The following EXOC6B variants were observed in gnomAD, a reference collection of about 807,000 sequenced individuals.
EXOC6B encodes the protein exocyst complex component 6B.
EXOC6B carries 54 observed loss-of-function variants against 113.5 expected under a neutral mutation model. That is an observed-to-expected ratio of 0.48 (90% CI 0.38 to 0.60). EXOC6B has a LOEUF of 0.60. Ranked by LOEUF, EXOC6B falls within the 20% of genes least tolerant of loss-of-function variation. The pLI, the probability that EXOC6B is intolerant of heterozygous loss-of-function variation, is 0.00. For missense variants in EXOC6B, 797 were observed against 977.5 expected (o/e 0.82, Z 2.46); for synonymous variants, 357 against 339.0 (o/e 1.05, Z -0.58).
rs1697976775 is a variant in EXOC6B at position 72,465,306 on chromosome 2, T to C, written c.1834A>G (p.Thr612Ala). The C allele has an allele frequency of 6.2e-7, 1 of 1,604,142 alleles. No homozygotes were observed. Among genetic ancestry groups the C allele is most frequent in the East Asian group, 2.2e-5 (1 of 44,636 alleles). Residue 612 changes from threonine to alanine, a missense_variant, in exon 18 of 22, where the codon ACC becomes GCC. Coordinates refer to ENST00000272427, the MANE Select transcript of EXOC6B (RefSeq NM_015189.3). Reference protein sequence around the residue: ...ARHAAEEEIYTNLNQKIDQFL... With the variant: ...ARHAAEEEIYANLNQKIDQFL... ...TGGTCAATCTTCTGGTTTAAGTTGG[T>C]ATAAATCTCTTCTTCAGCTGCATGT... is the stretch of plus-strand genomic sequence containing the variant.
At chr2:72,598,402 T>C (rs1270921004) in intron 6 of EXOC6B, among the ~76,000 whole-genome samples, 3 of 152,034 alleles carry the variant, frequency 2.0e-5, no homozygotes, top group Non-Finnish European at 2.9e-5. Context: ...ATTTGTGGTA[T>C]AGAGCAGAAA....
rs1389345486 is a variant in EXOC6B at position 72,584,217 on chromosome 2, G to T, written c.670-8549C>A. 2.6e-5 allele frequency among the ~76,000 whole-genome samples: 4 copies of T among 150,974 alleles called. No individual in the cohort carries two copies. In the East Asian group the frequency reaches 7.8e-4, roughly 29 times the overall value. On this transcript the variant is annotated intron_variant, in intron 6 of 21. Transcript: ENST00000272427. ...TAAAAGGCACTGATATGCAAGTAGG[G>T]TTAAAAAAAAAAAAGAAAACAAGAC...
intron 6 of EXOC6B, among the ~76,000 whole-genome samples, chr2:72,657,647 C>T (rs1386582130): frequency 8.8e-6 from 1 of 113,560 alleles, no homozygotes; most frequent in African/African-American, 3.4e-5. Flanking sequence ...ACAACTGAAA[C>T]TCAAATAGCC....
At chr2:72,499,999 A>AAAAACATG in intron 11 of EXOC6B, 27 bp from the exon 12 acceptor site, 1 of 1,406,608 alleles carries the variant, frequency 7.1e-7, no homozygotes, top group African/African-American at 1.4e-5. Flanking sequence ...ACAAAGGAGG[A>AAAAACATG]AAAACATGTT....
intron 20 of EXOC6B, among the ~76,000 whole-genome samples, chr2:72,224,994 G>GTGTGTATATATATATATA (rs908047817): frequency 6.6e-5 from 9 of 137,250 alleles, no homozygotes; most frequent in Non-Finnish European, 1.1e-4. Context: ...GTGTGTGTGT[G>GTGTGTATATATATATATA]TATATATATA....
chr2:72,769,044 G>GA (rs142775402), intron 1 of EXOC6B, among the ~76,000 whole-genome samples: 3,861 of 152,228 alleles, frequency 0.025, 83 homozygotes, highest in Non-Finnish European at 0.038. Flanking sequence ...TTTGGCTACA[G>GA]AAAAATGTGA....
intron 16 of EXOC6B, among the ~76,000 whole-genome samples, chr2:72,490,902 T>C (rs1336809244): frequency 6.6e-6 from 1 of 152,180 alleles, no homozygotes; most frequent in Non-Finnish European, 1.5e-5. Flanking sequence ...GACCATGTTC[T>C]TGCTATGCTA....
At position 72,352,731 on chromosome 2, in the gene EXOC6B, A is replaced by ATTT. The variant is rs201972771; in HGVS notation, c.2123-17714_2123-17712dup. 1.6e-3 allele frequency among the ~76,000 whole-genome samples: 226 copies of ATTT among 144,920 alleles called. 3 individuals carry two copies. Among genetic ancestry groups the ATTT allele is most frequent in the African/African-American group, 5.1e-3 (202 of 39,450 alleles). ...AAAGATAAAAGTTAGGACTGTAATC[A>ATTT]TTTTTTTTTTTTTGAGATGTGTAAG... On this transcript the variant is annotated intron_variant, in intron 19 of 21. Transcript: ENST00000272427.
chr2:72,474,250 T>C (rs1698594073), intron 17 of EXOC6B, among the ~76,000 whole-genome samples: 1 of 152,170 alleles, frequency 6.6e-6, no homozygotes, highest in Admixed American at 6.5e-5. Context: ...GAGAATACTC[T>C]TTTTGCATTG....
intron 19 of EXOC6B, among the ~76,000 whole-genome samples, chr2:72,339,713 C>A (rs1211650844): frequency 1.1e-4 from 16 of 152,056 alleles, no homozygotes; most frequent in Admixed American, 9.2e-4. Context: ...TGTGCAAAAT[C>A]TTTCAATGAG....
At chr2:72,273,068 ATGGC>A in intron 20 of EXOC6B, among the ~76,000 whole-genome samples, 1 of 152,240 alleles carries the variant, frequency 6.6e-6, no homozygotes, top group Non-Finnish European at 1.5e-5. Flanking sequence ...ATAAACTATA[ATGGC>A]AATAATCACT....
intron 18 of EXOC6B, among the ~76,000 whole-genome samples, chr2:72,438,424 C>T (rs1270878788): frequency 6.6e-6 from 1 of 151,966 alleles, no homozygotes; most frequent in Non-Finnish European, 1.5e-5. Flanking sequence ...GCCTGTGCAA[C>T]ATAGAGAGAC....
chr2:72,242,941 C>T (rs1017164234), intron 20 of EXOC6B, among the ~76,000 whole-genome samples: 1 of 152,138 alleles, frequency 6.6e-6, no homozygotes, highest in Non-Finnish European at 1.5e-5. Flanking sequence ...CACTGTGTTG[C>T]CCAGGCTTGT....
intron 20 of EXOC6B, among the ~76,000 whole-genome samples, chr2:72,252,952 T>C (rs1300077798): frequency 6.6e-6 from 1 of 152,116 alleles, no homozygotes; most frequent in Non-Finnish European, 1.5e-5. Flanking sequence ...GAAACTGCAG[T>C]GGATAATGGT....
At chr2:72,815,875 T>G (rs541318406) in intron 1 of EXOC6B, among the ~76,000 whole-genome samples, 1 of 152,174 alleles carries the variant, frequency 6.6e-6, no homozygotes, top group Non-Finnish European at 1.5e-5. Context: ...AAATGTACAA[T>G]AGGCCTAGCG....
At chr2:72,522,126 G>A (rs1701521652) in intron 8 of EXOC6B, among the ~76,000 whole-genome samples, 1 of 152,076 alleles carries the variant, frequency 6.6e-6, no homozygotes, top group South Asian at 2.1e-4. Flanking sequence ...AATGATATAA[G>A]AAGGGCTAAA....
intron 18 of EXOC6B, among the ~76,000 whole-genome samples, chr2:72,450,204 T>TA (rs1316019403): frequency 6.6e-6 from 1 of 152,090 alleles, no homozygotes; most frequent in African/African-American, 2.4e-5. Context: ...GTAGAGAGGT[T>TA]AAAATGGCCT....
chr2:72,700,608 A>G (rs916583110), intron 6 of EXOC6B, among the ~76,000 whole-genome samples: 9 of 152,242 alleles, frequency 5.9e-5, no homozygotes, highest in African/African-American at 2.2e-4. Context: ...GGAAATGGAC[A>G]GTGTTGACGA....
rs1346371765 is a variant in EXOC6B at position 72,825,983 on chromosome 2, C to G, written c.-73G>C. 1.8e-5 allele frequency: 28 copies of G among 1,566,344 alleles called. No homozygotes were observed. Among genetic ancestry groups the G allele is most frequent in the Non-Finnish European group, 2.2e-5 (25 of 1,159,684 alleles). ...CTTTTCCCTGCCCCACAATGCCGCTCCCACCACAGGCTCCACAGCCGCCCC... is the reference window on the plus strand; with the variant it reads ...CTTTTCCCTGCCCCACAATGCCGCTGCCACCACAGGCTCCACAGCCGCCCC... On this transcript the variant is annotated 5_prime_UTR_variant, in exon 1 of 22. Transcript: ENST00000272427. This position sits in a 1 kb window ranked among gnomAD's most constrained non-coding sequence, Gnocchi z 4.4.
Sources: allele counts gnomAD v4.1 joint callset (sites outside exome capture counted in the v4.1 genomes callset), GRCh38; gene constraint gnomAD v4.1.1; non-coding constraint Gnocchi (gnomAD v3.1); transcripts MANE v1.5; gene names NCBI Gene and HGNC (gene_info 2026-07-23, HGNC 2026-07-21).